Variants in STAU1 observed in about 807,000 individuals in gnomAD.
The protein encoded by STAU1 is double-stranded RNA-binding protein Staufen homolog 1.
A neutral mutation model predicts 62.9 loss-of-function variants in STAU1; 13 were observed. The ratio of observed to expected loss-of-function variants is 0.21; its 90% confidence interval spans 0.13 to 0.33. The LOEUF is 0.33. Among genes scored for constraint, STAU1 ranks in the 10% least tolerant of loss-of-function variants. STAU1 has a pLI of 1.00. For missense variants in STAU1, 571 were observed against 712.1 expected (o/e 0.80, Z 2.25); for synonymous variants, 269 against 265.1 (o/e 1.01, Z -0.14).
chr20:49,171,123 A>C (rs2093591553), intron 2 of STAU1, among the ~76,000 whole-genome samples: 1 of 152,238 alleles, frequency 6.6e-6, no homozygotes. Flanking sequence ...CAGCAATCAC[A>C]TGTAAATCTA....
chr20:49,180,296 T>A (rs141941806), intron 1 of STAU1, among the ~76,000 whole-genome samples: 60 of 150,694 alleles, frequency 4.0e-4, no homozygotes, highest in African/African-American at 1.4e-3. Flanking sequence ...TTTTTTTTTT[T>A]AGCAACAACC....
rs1008846077 is a variant in STAU1, at chr20:49,171,289, GTTAT to G, written c.-85+2902_-85+2905del. Among the ~76,000 whole-genome samples the G allele has an allele frequency of 6.6e-5, 10 of 152,158 alleles. No homozygotes were observed. In the East Asian group the frequency reaches 7.7e-4, roughly 12 times the overall value. ...AATACCCACATCATTCCTTATACCA[GTTAT>G]TTATTTATTTATTTTTATTGAGACG... On this transcript the variant is annotated intron_variant, in intron 2 of 13. Coordinates refer to ENST00000371856, the MANE Select transcript of STAU1 (RefSeq NM_017453.4).
intron 1 of STAU1, chr20:49,179,023 G>A (rs1168356168): frequency 6.7e-6 from 1 of 149,786 alleles, no homozygotes; most frequent in Non-Finnish European, 1.5e-5. Context: ...AGAGCTTGCA[G>A]TGAGTCAAGA....
At chr20:49,183,747 A>C (rs2093754032) in intron 1 of STAU1, among the ~76,000 whole-genome samples, 1 of 152,134 alleles carries the variant, frequency 6.6e-6, no homozygotes, top group African/African-American at 2.4e-5. Flanking sequence ...AAATACAGTA[A>C]ATCCTCTCTT....
At chr20:49,171,542 C>G (rs371205191) in intron 2 of STAU1, among the ~76,000 whole-genome samples, 4 of 152,194 alleles carry the variant, frequency 2.6e-5, no homozygotes, top group South Asian at 4.1e-4. Flanking sequence ...CTGCCTCGGC[C>G]TCCCGAAGTG....
intron 3 of STAU1, among the ~76,000 whole-genome samples, chr20:49,155,611 AC>A (rs575964270): frequency 9.8e-5 from 15 of 152,358 alleles, no homozygotes; most frequent in Admixed American, 4.6e-4. Flanking sequence ...CTGATTCTGT[AC>A]TATAACTGGT....
chr20:49,120,643 T>A (rs2092444907), intron 8 of STAU1, among the ~76,000 whole-genome samples: 1 of 152,226 alleles, frequency 6.6e-6, no homozygotes, highest in African/African-American at 2.4e-5. Context: ...AGGTTAATCT[T>A]AAAAGCATGA....
At position 49,123,143 on chromosome 20, in the gene STAU1, G is replaced by A. The variant is rs1465641074; in HGVS notation, c.915C>T (p.Tyr305=). 1 of 1,614,100 alleles carries A rather than the reference G, an allele frequency of 6.2e-7. No homozygotes were observed. Among genetic ancestry groups the A allele is most frequent in the East Asian group, 2.2e-5 (1 of 44,856 alleles). ...QQAKKEKEPE[Y]TLLTERGLPR... is the part of the protein sequence containing the mutation. ...GGAGGCCTCGCTCTGTGAGGAGCGT[G>A]TACTCTGGCTCCTTCTCCTTTTTTG... The change falls in exon 8 of 14, where the codon TAC becomes TAT. Residue 305 remains tyrosine (Y), a synonymous_variant. Transcript: ENST00000371856.
At chr20:49,175,798 CTTTT>C (rs386393906) in intron 1 of STAU1, among the ~76,000 whole-genome samples, 1 of 104,822 alleles carries the variant, frequency 9.5e-6, no homozygotes, top group African/African-American at 3.6e-5. Context: ...CTCATAATGC[CTTTT>C]TTTTTTTTTT....
At chr20:49,193,050 C>A (rs537752333), upstream of STAU1, among the ~76,000 whole-genome samples, 1 of 152,284 alleles carries the variant, frequency 6.6e-6, no homozygotes, top group African/African-American at 2.4e-5. Flanking sequence ...CAGATAGACA[C>A]AAACACATGT....
chr20:49,138,690 T>C lies in STAU1; in HGVS notation c.511-2759A>G, dbSNP rs2092943180. 4.6e-5 allele frequency among the ~76,000 whole-genome samples: 7 copies of C among 152,078 alleles called. No individual in the cohort carries two copies. In the South Asian group the frequency reaches 1.2e-3, roughly 27 times the overall value. On this transcript the variant is annotated intron_variant, in intron 5 of 13. Coordinates refer to ENST00000371856, the MANE Select transcript of STAU1 (RefSeq NM_017453.4). Reference sequence around the variant, plus strand: ...TATTTTTTTTAATGTTTTGTAGAGATGGGGTCTCACTATGTTGTCCAGGCT... The same window carrying C: ...TATTTTTTTTAATGTTTTGTAGAGACGGGGTCTCACTATGTTGTCCAGGCT...
At chr20:49,141,063 GA>G (rs2092995735) in intron 5 of STAU1, among the ~76,000 whole-genome samples, 1 of 151,730 alleles carries the variant, frequency 6.6e-6, no homozygotes, top group Admixed American at 6.6e-5. Flanking sequence ...ACACAACTTG[GA>G]AATAAACTAG....
chr20:49,218,908 C>A, the STAU1 span, among the ~76,000 whole-genome samples: 1 of 147,136 alleles, frequency 6.8e-6, no homozygotes, highest in Non-Finnish European at 1.5e-5. Flanking sequence ...TCCAGTTACT[C>A]AGAAGGCTGA....
chr20:49,171,578 C>A (rs1290702224), intron 2 of STAU1, among the ~76,000 whole-genome samples: 1 of 152,204 alleles, frequency 6.6e-6, no homozygotes, highest in Non-Finnish European at 1.5e-5. Context: ...TGAGCCACCG[C>A]ACCCAGCCTA....
At chr20:49,192,428 C>T (rs987163052), upstream of STAU1, among the ~76,000 whole-genome samples, 1 of 150,346 alleles carries the variant, frequency 6.7e-6, no homozygotes, top group East Asian at 1.9e-4. Flanking sequence ...AATAAAAATA[C>T]CTAGAAATAA....
intron 3 of STAU1, among the ~76,000 whole-genome samples, chr20:49,162,354 T>C (rs1018162997): frequency 6.6e-6 from 1 of 152,088 alleles, no homozygotes; most frequent in East Asian, 1.9e-4. Flanking sequence ...ATGGCAAATA[T>C]GGGGAAAATA....
intron 1 of STAU1, among the ~76,000 whole-genome samples, chr20:49,179,744 T>C (rs994108625): frequency 6.6e-6 from 1 of 152,200 alleles, no homozygotes; most frequent in African/African-American, 2.4e-5. Flanking sequence ...ACAGCAAAGA[T>C]AGGAGAGAAT....
At chr20:49,157,937 A>G (rs983310811) in intron 3 of STAU1, among the ~76,000 whole-genome samples, 9 of 152,096 alleles carry the variant, frequency 5.9e-5, no homozygotes, top group African/African-American at 2.2e-4. Context: ...TTCTCAAAGT[A>G]ATTCTGATGC....
chr20:49,153,922 AAAAC>A lies in STAU1; in HGVS notation c.344+7_344+10del. 2.6e-6 allele frequency: 4 copies of A among 1,561,116 alleles called. No homozygotes were observed. The highest frequency in any genetic ancestry group is 2.6e-6 in the Non-Finnish European group (3 of 1,163,020). On this transcript the variant is annotated splice_region_variant and intron_variant, in intron 4 of 13. Coordinates refer to ENST00000371856, the MANE Select transcript of STAU1 (RefSeq NM_017453.4). ...TGTATTTTACAAAAAAAAAAAAAAA[AAAAC>A]ACATACCTCGGGGGATAAGCACCTC... is the stretch of plus-strand genomic sequence containing the variant.
Sources: allele counts gnomAD v4.1 joint callset (sites outside exome capture counted in the v4.1 genomes callset), GRCh38; gene constraint gnomAD v4.1.1; transcripts MANE v1.5; gene names NCBI Gene and HGNC (gene_info 2026-07-23, HGNC 2026-07-21).